Variants in MYO3A observed in about 807,000 individuals in gnomAD.
MYO3A encodes the protein myosin IIIA.
Under a neutral mutation model 192.7 loss-of-function variants are expected in MYO3A, and 180 were observed. The observed-to-expected ratio is 0.93, with a 90% CI of 0.83 to 1.06. MYO3A has a LOEUF of 1.06. Ranked by LOEUF, MYO3A falls within the 50% of genes least tolerant of loss-of-function variation. MYO3A has a pLI of 0.00. For missense variants in MYO3A, 1,896 were observed against 1,905.0 expected, an observed-to-expected ratio of 1.00 and a Z score of 0.09; for synonymous variants, 628 against 645.3, an observed-to-expected ratio of 0.97 and a Z score of 0.41.
Position 26,170,784 on chromosome 10 carries a change from C to T in MYO3A, c.3398+245C>T, listed in dbSNP as rs3737316. ...TAATTCTACTTCTAATTCTGAGTGTCCTTTGCTAATATGTCCTCCAATCCC... is the reference window on the plus strand; with the variant it reads ...TAATTCTACTTCTAATTCTGAGTGTTCTTTGCTAATATGTCCTCCAATCCC... On this transcript the variant is annotated intron_variant, in intron 29 of 34. Transcript: ENST00000642920. Among the ~76,000 whole-genome samples the T allele has an allele frequency of 0.18, 27,405 of 152,230 alleles. 2,591 individuals carry two copies. Among genetic ancestry groups the T allele is most frequent in the East Asian group, 0.31 (1,595 of 5,184 alleles).
intron 23 of MYO3A, among the ~76,000 whole-genome samples, chr10:26,147,856 C>A (rs1043960484): frequency 1.3e-5 from 2 of 152,116 alleles, no homozygotes; most frequent in African/African-American, 4.8e-5. Context: ...ATTACCTGGG[C>A]AAATCAGGAG....
At chr10:26,111,025 C>T (rs1193403361) in intron 17 of MYO3A, among the ~76,000 whole-genome samples, 2 of 151,936 alleles carry the variant, frequency 1.3e-5, no homozygotes, top group South Asian at 2.1e-4. Context: ...CAACCATGCC[C>T]AGCTAACTTT....
chr10:26,141,687 G>A (rs1261323790), intron 20 of MYO3A, among the ~76,000 whole-genome samples: 2 of 152,102 alleles, frequency 1.3e-5, no homozygotes, highest in Non-Finnish European at 2.9e-5. Flanking sequence ...AATAATTCTA[G>A]GTCTACTCAC....
intron 31 of MYO3A, among the ~76,000 whole-genome samples, chr10:26,185,692 T>G (rs1399981128): frequency 6.6e-6 from 1 of 152,144 alleles, no homozygotes; most frequent in African/African-American, 2.4e-5. Context: ...TCTCTTTTTT[T>G]TCTGTTTGCT....
rs556349593 is a variant in MYO3A at position 26,120,759 on chromosome 10, G to C, written c.1860G>C (p.Gln620His). Residue 620 changes from glutamine to histidine, a missense_variant, in exon 18 of 35, where the codon CAG becomes CAC. Gln to His is a conservative substitution (Grantham distance 24). Coordinates refer to ENST00000642920, the MANE Select transcript of MYO3A (RefSeq NM_017433.5). ...TTTCTTCTGTGGCAACTGAACACCA[G>C]ATTGACAAGAGCCACATTTCTAATC... ...IEFSSVATEH[Q>H]IDKSHISNHT... 8.1e-6 allele frequency: 13 copies of C among 1,614,046 alleles called. No homozygotes were observed. In the Admixed American group the frequency reaches 1.7e-4, roughly 21 times the overall value.
At position 26,067,069 on chromosome 10, in the gene MYO3A, G is replaced by A. The variant is rs1317751977; in HGVS notation, c.1048G>A (p.Asp350Asn). 1 of 1,592,798 alleles carries A rather than the reference G, an allele frequency of 6.3e-7. No individual in the cohort carries two copies. Among genetic ancestry groups the A allele is most frequent in the African/African-American group, 1.3e-5 (1 of 74,466 alleles). ...VDDLATLEIL[D>N]ENTVSEQLEK... Reference sequence around the variant, plus strand: ...TGATTTAGCAACCCTAGAAATTTTGGATGAGGTAAGAATTTCAGTTTAATT... The same window carrying A: ...TGATTTAGCAACCCTAGAAATTTTGAATGAGGTAAGAATTTCAGTTTAATT... Residue 350 changes from aspartate to asparagine, a missense_variant, in exon 11 of 35, where the codon GAT (aspartate) becomes AAT (asparagine). Asp to Asn is a conservative substitution (Grantham distance 23). Transcript: ENST00000642920.
At chr10:26,192,063 C>T (rs180971470) in intron 31 of MYO3A, among the ~76,000 whole-genome samples, 147 of 152,228 alleles carry the variant, frequency 9.7e-4, no homozygotes, top group Non-Finnish European at 1.3e-3. Context: ...CAAACAGAGT[C>T]GGTGGATGGG....
At chr10:26,034,552 A>C (rs1564479122) in intron 10 of MYO3A, among the ~76,000 whole-genome samples, 1 of 152,234 alleles carries the variant, frequency 6.6e-6, no homozygotes, top group Non-Finnish European at 1.5e-5. Flanking sequence ...GATAACCTAG[A>C]GTTTGCTTTT....
chr10:26,057,535 T>C (rs1834185067), intron 10 of MYO3A, among the ~76,000 whole-genome samples: 1 of 152,172 alleles, frequency 6.6e-6, no homozygotes. Flanking sequence ...GGAAAATAGA[T>C]ATTGGAAGCT....
chr10:26,148,618 C>T (rs1306686979), intron 23 of MYO3A, among the ~76,000 whole-genome samples: 1 of 152,150 alleles, frequency 6.6e-6, no homozygotes, highest in Non-Finnish European at 1.5e-5. Flanking sequence ...TTAAATCTTC[C>T]AATCAGCACA....
At chr10:26,154,136 A>T (rs73594308) in intron 24 of MYO3A, among the ~76,000 whole-genome samples, 230 of 152,204 alleles carry the variant, frequency 1.5e-3, no homozygotes, top group African/African-American at 5.2e-3. Context: ...TAATATTTCC[A>T]ACTCTTCTTT....
rs150981713 is a variant in MYO3A at position 25,938,160 on chromosome 10, G to C, written c.-18+2330G>C. Among the ~76,000 whole-genome samples the C allele has an allele frequency of 7.5e-4, 114 of 152,244 alleles. 1 individual carries two copies. The highest frequency in any genetic ancestry group is 3.4e-3 in the Middle Eastern group (1 of 294). Reference sequence around the variant, plus strand: ...TAATCTATAGAATAAATTAAAATCAGGCATATTGCATTTACGGGTGTAGTA... The same window carrying C: ...TAATCTATAGAATAAATTAAAATCACGCATATTGCATTTACGGGTGTAGTA... On this transcript the variant is annotated intron_variant, in intron 2 of 34. Transcript: ENST00000642920.
chr10:26,125,392 T>C lies in MYO3A; in HGVS notation c.1904-6T>C. On this transcript the variant is annotated splice_region_variant and splice_polypyrimidine_tract_variant and intron_variant, in intron 18 of 34. Coordinates refer to ENST00000642920, the MANE Select transcript of MYO3A (RefSeq NM_017433.5). ...TCTTCTAACAATGCATCTGTTTGTT[T>C]TTCAGGTGCTTCTTTGCTTTGCATT... The C allele has an allele frequency of 6.2e-7, 1 of 1,613,806 alleles. No individual in the cohort carries two copies. Among genetic ancestry groups the C allele is most frequent in the Non-Finnish European group, 8.5e-7 (1 of 1,179,810 alleles).
At chr10:26,081,483 T>G (rs1835955053) in intron 14 of MYO3A, among the ~76,000 whole-genome samples, 2 of 152,128 alleles carry the variant, frequency 1.3e-5, no homozygotes. Context: ...TGCCGCAGGC[T>G]ATCCTCCTCC....
intron 4 of MYO3A, among the ~76,000 whole-genome samples, chr10:25,971,164 T>A (rs567669660): frequency 1.3e-5 from 2 of 152,230 alleles, no homozygotes; most frequent in South Asian, 4.1e-4. Flanking sequence ...TATAGTTTGT[T>A]ATCTGTCTTA....
intron 17 of MYO3A, 70 bp from the exon 18 acceptor site, chr10:26,120,606 C>T: frequency 6.2e-7 from 1 of 1,601,762 alleles, no homozygotes; most frequent in East Asian, 2.2e-5. Context: ...CCAGTCTGTC[C>T]CCAGCCATAG....
intron 7 of MYO3A, among the ~76,000 whole-genome samples, chr10:26,019,404 G>A (rs1221831213): frequency 5.3e-5 from 8 of 151,908 alleles, no homozygotes; most frequent in Admixed American, 6.6e-5. Context: ...GACTACAGGC[G>A]CCTGCCAACA....
chr10:25,984,572 T>C (rs1454693071), intron 4 of MYO3A, among the ~76,000 whole-genome samples: 1 of 152,192 alleles, frequency 6.6e-6, no homozygotes, highest in East Asian at 1.9e-4. Context: ...CCCTTGTCTC[T>C]GTACAGGGAA....
Position 26,173,941 on chromosome 10 carries a change from A to G in MYO3A, c.3677A>G (p.Asn1226Ser). The G allele has an allele frequency of 6.2e-7, 1 of 1,610,374 alleles. No homozygotes were observed. Among genetic ancestry groups the G allele is most frequent in the Non-Finnish European group, 8.5e-7 (1 of 1,178,974 alleles). ...KSVKDLEENSNLRKVEKEEAM... is the reference protein window; with the variant it reads ...KSVKDLEENSSLRKVEKEEAM... Reference sequence around the variant, plus strand: ...GTCAAAGACCTGGAAGAGAACAGCAATCTAAGGAAAGTGGAGAAAGAGGAA... The same window carrying G: ...GTCAAAGACCTGGAAGAGAACAGCAGTCTAAGGAAAGTGGAGAAAGAGGAA... The change falls in exon 30 of 35, where the codon AAT becomes AGT. Residue 1226 changes from asparagine (N) to serine (S), a missense_variant. Coordinates refer to ENST00000642920, the MANE Select transcript of MYO3A (RefSeq NM_017433.5).
Sources: allele counts gnomAD v4.1 joint callset (sites outside exome capture counted in the v4.1 genomes callset), GRCh38; gene constraint gnomAD v4.1.1; transcripts MANE v1.5; gene names NCBI Gene and HGNC (gene_info 2026-07-23, HGNC 2026-07-21).